EIF5B: variants seen among roughly 807,000 people sequenced by gnomAD.
EIF5B encodes the protein eukaryotic translation initiation factor 5B, also known as eIF-5B.
Under a neutral mutation model 147.5 loss-of-function variants are expected in EIF5B, and 47 were observed. That is an observed-to-expected ratio of 0.32 (90% CI 0.25 to 0.41). EIF5B has a LOEUF of 0.41. Ranked by LOEUF, EIF5B falls within the 10% of genes least tolerant of loss-of-function variation. The pLI, the probability that EIF5B is intolerant of heterozygous loss-of-function variation, is 1.00. For synonymous variants in EIF5B, 455 were observed against 456.2 expected (o/e 1.00, Z 0.03); for missense variants, 1,064 against 1,413.2 (o/e 0.75, Z 3.96).
chr2:99,400,976 G>A lies in EIF5B; in HGVS notation c.*1562G>A, dbSNP rs1675297383. ...ACATACAGTTCTTTATTAAACAACTGTAAACACTTCACTGTAAAAATCCAT... is the reference window on the plus strand; with the variant it reads ...ACATACAGTTCTTTATTAAACAACTATAAACACTTCACTGTAAAAATCCAT... On this transcript the variant is annotated 3_prime_UTR_variant, in exon 24 of 24. Transcript: ENST00000289371. 2 of 250,942 alleles carry A rather than the reference G, an allele frequency of 8.0e-6. No homozygotes were observed. The highest frequency in any genetic ancestry group is 2.2e-5 in the African/African-American group (1 of 45,108). The allele number at this position is 250,942 out of a possible 1,614,324, so 15.5% of individuals were successfully genotyped here.
intron 14 of EIF5B, among the ~76,000 whole-genome samples, chr2:99,383,777 C>T (rs1261422322): frequency 6.6e-6 from 1 of 150,538 alleles, no homozygotes; most frequent in African/African-American, 2.5e-5. Context: ...GACAAAAAAG[C>T]CTTCTATTGG....
In EIF5B at chr2:99,399,307, A is replaced by G. The variant is rs377019448; in HGVS notation, c.3556A>G (p.Ile1186Val). The change falls in exon 24 of 24, where the codon ATC becomes GTC. Residue 1186 changes from isoleucine (I) to valine (V), a missense_variant and splice_region_variant. By Grantham distance (29) the Ile-to-Val change is conservative (BLOSUM62 3). Coordinates refer to ENST00000289371, the MANE Select transcript of EIF5B (RefSeq NM_015904.4). The part of the protein sequence containing the change: ...FEATDILVSK[I>V]SRQSIDALKD... Reference sequence around the variant, plus strand: ...CCTGTTTGTGCCTCGGGCATTGCAGATCAGCCGGCAGTCCATTGATGCACT... The same window carrying G: ...CCTGTTTGTGCCTCGGGCATTGCAGGTCAGCCGGCAGTCCATTGATGCACT... 2.5e-6 allele frequency: 4 copies of G among 1,614,056 alleles called. No individual in the cohort carries two copies. Among genetic ancestry groups the G allele is most frequent in the Non-Finnish European group, 2.5e-6 (3 of 1,179,984 alleles).
chr2:99,396,634 C>A, intron 21 of EIF5B, 126 bp from the exon 22 acceptor site: 1 of 1,234,122 alleles, frequency 8.1e-7, no homozygotes, highest in South Asian at 1.5e-5. Flanking sequence ...CTGCCTGCCC[C>A]TCTCCTGTGG....
intron 9 of EIF5B, among the ~76,000 whole-genome samples, chr2:99,372,412 C>CA (rs1674471233): frequency 6.6e-6 from 1 of 152,192 alleles, no homozygotes; most frequent in African/African-American, 2.4e-5. Context: ...AATCTCGGCT[C>CA]ACAACAACCT....
intron 1 of EIF5B, among the ~76,000 whole-genome samples, chr2:99,338,937 T>C (rs202161794): frequency 1.3e-4 from 17 of 134,670 alleles, no homozygotes; most frequent in Admixed American, 2.4e-4. Context: ...TATATATATA[T>C]ACAAATATAT....
chr2:99,390,087 C>A, intron 15 of EIF5B, 132 bp from the exon 16 acceptor site: 1 of 1,149,478 alleles, frequency 8.7e-7, no homozygotes, highest in Non-Finnish European at 1.3e-6. Flanking sequence ...ATAGGATATA[C>A]ATGATCATTT....
Position 99,399,682 on chromosome 2 carries a change from T to TAA in EIF5B, c.*270_*271dup, listed in dbSNP as rs1675159182. ...ACCCTTCTCTACTTGGCTGCTGTTT[T>TAA]AAAGTTTGCCCTTCCCCAAATTTGG... On this transcript the variant is annotated 3_prime_UTR_variant, in exon 24 of 24. Coordinates refer to ENST00000289371, the MANE Select transcript of EIF5B (RefSeq NM_015904.4). 5.7e-6 allele frequency: 2 copies of TAA among 350,586 alleles called. No homozygotes were observed. Among genetic ancestry groups the TAA allele is most frequent in the South Asian group, 3.8e-5 (1 of 26,186 alleles). The allele number at this position is 350,586 out of a possible 1,614,324, so 21.7% of individuals were successfully genotyped here.
chr2:99,387,500 T>C (rs1480579241), intron 14 of EIF5B, among the ~76,000 whole-genome samples: 2 of 152,230 alleles, frequency 1.3e-5, no homozygotes, highest in East Asian at 3.8e-4. Context: ...AATTTATCTT[T>C]TGTTCCATTG....
chr2:99,397,125 G>C (rs1344814573), intron 22 of EIF5B: 2 of 381,114 alleles, frequency 5.2e-6, no homozygotes, highest in African/African-American at 4.2e-5. Flanking sequence ...CTTCAGTATT[G>C]GTAAATATCA....
chr2:99,394,048 A>G (rs1002975736), intron 18 of EIF5B, among the ~76,000 whole-genome samples: 1 of 152,260 alleles, frequency 6.6e-6, no homozygotes, highest in Non-Finnish European at 1.5e-5. Flanking sequence ...TTTCAAAGTT[A>G]GTAAACCTAA....
At chr2:99,343,906 G>A (rs1346233478) in intron 1 of EIF5B, among the ~76,000 whole-genome samples, 1 of 149,578 alleles carries the variant, frequency 6.7e-6, no homozygotes, top group Non-Finnish European at 1.5e-5. Flanking sequence ...GTGGTATGAT[G>A]TAGGGGTTCA....
rs762842128 is a variant in EIF5B, at chr2:99,376,634, G to A, written c.1840G>A (p.Glu614Lys). 1.9e-6 allele frequency: 3 copies of A among 1,594,830 alleles called. 1 individual carries two copies. The South Asian group carries it at 3.4e-5, about 18-fold the overall frequency. ...TTATGACAAAGCAAAACGGAGGATT[G>A]AGGTATTTATTTTACCGTTTCTCTC... ...RAYDKAKRRI[E>K]KRRLEHSKNV... Residue 614 changes from glutamate (E) to lysine (K), a missense_variant and splice_region_variant, in exon 10 of 24, where the codon GAG (glutamate) becomes AAG (lysine). Glu to Lys is a moderately conservative substitution (Grantham distance 56). This residue lies in a region of EIF5B where 195 missense variants were observed against 186.3 expected (regional missense o/e 1.05). Transcript: ENST00000289371.
At chr2:99,343,957 C>T (rs930863335) in intron 1 of EIF5B, among the ~76,000 whole-genome samples, 41 of 150,940 alleles carry the variant, frequency 2.7e-4, no homozygotes, top group African/African-American at 9.0e-4. Context: ...CTCGCTCTGT[C>T]GCCTAGGCTG....
intron 1 of EIF5B, among the ~76,000 whole-genome samples, chr2:99,352,764 T>C (rs1559245328): frequency 6.6e-6 from 1 of 151,952 alleles, no homozygotes; most frequent in Non-Finnish European, 1.5e-5. Flanking sequence ...CGTGAGCTAC[T>C]GTGCCTGGCC....
At chr2:99,371,895 G>A (rs1210319128) in intron 9 of EIF5B, among the ~76,000 whole-genome samples, 165 bp downstream of exon 9, 1 of 152,134 alleles carries the variant, frequency 6.6e-6, no homozygotes, top group African/African-American at 2.4e-5. Flanking sequence ...GTCCTCAAGT[G>A]GATCTTCATT....
chr2:99,399,428 A>G lies in EIF5B; in HGVS notation c.*14A>G, dbSNP rs747758218. On this transcript the variant is annotated 3_prime_UTR_variant, in exon 24 of 24. Coordinates refer to ENST00000289371, the MANE Select transcript of EIF5B (RefSeq NM_015904.4). The stretch of plus-strand genomic sequence containing the variant: ...GAAATCATCTAATTTTTTCACATGG[A>G]GCAGGAACTGGAGTAAATGCAATAC... 4 of 1,610,046 alleles carry G rather than the reference A, an allele frequency of 2.5e-6. No individual in the cohort carries two copies. Among genetic ancestry groups the G allele is most frequent in the Non-Finnish European group, 1.7e-6 (2 of 1,176,476 alleles).
intron 1 of EIF5B, among the ~76,000 whole-genome samples, chr2:99,343,578 G>A (rs959646271): frequency 1.3e-5 from 2 of 151,948 alleles, no homozygotes; most frequent in Non-Finnish European, 2.9e-5. Flanking sequence ...AGCACTTTGG[G>A]AGGCCGAGGT....
intron 7 of EIF5B, 38 bp from the exon 8 acceptor site, chr2:99,369,354 C>CA (rs749373529): frequency 6.9e-5 from 105 of 1,526,532 alleles, no homozygotes; most frequent in Middle Eastern, 1.7e-4. Context: ...AATTATACAC[C>CA]AAAAAAAATA....
intron 12 of EIF5B, 75 bp downstream of exon 12, chr2:99,379,503 G>A: frequency 8.7e-7 from 1 of 1,143,622 alleles, no homozygotes; most frequent in Non-Finnish European, 1.3e-6. Flanking sequence ...CATAGAAAAA[G>A]GACAGAGACT....
Sources: allele counts gnomAD v4.1 joint callset (sites outside exome capture counted in the v4.1 genomes callset), GRCh38; gene constraint gnomAD v4.1.1; regional missense constraint gnomAD v4.1.1; transcripts MANE v1.5; gene names NCBI Gene and HGNC (gene_info 2026-07-23, HGNC 2026-07-21).